Variants in EDIL3 observed in about 807,000 individuals in gnomAD.
The protein encoded by EDIL3 is EGF like and discoidin domains 3.
A neutral mutation model predicts 67.4 loss-of-function variants in EDIL3; 37 were observed. The ratio of observed to expected loss-of-function variants is 0.55; its 90% CI spans 0.42 to 0.72. The LOEUF is 0.72. Ranked by LOEUF, EDIL3 falls within the 30% of genes least tolerant of loss-of-function variation. EDIL3 has a pLI of 0.00. For missense variants in EDIL3, 527 were observed against 586.3 expected, an observed-to-expected ratio of 0.90 and a Z score of 1.04; for synonymous variants, 195 against 196.3, an observed-to-expected ratio of 0.99 and a Z score of 0.05.
At chr5:84,279,775 A>G (rs1275377745) in intron 1 of EDIL3, among the ~76,000 whole-genome samples, 1 of 152,074 alleles carries the variant, frequency 6.6e-6, no homozygotes, top group Admixed American at 6.6e-5. Flanking sequence ...CTCTGCTGAC[A>G]CTTTCCCTTT....
At chr5:84,121,543 A>T (rs1747775341) in intron 5 of EDIL3, among the ~76,000 whole-genome samples, 1 of 33,746 alleles carries the variant, frequency 3.0e-5, no homozygotes, top group Admixed American at 2.6e-4. Flanking sequence ...AGATCGATCT[A>T]TCTATCTATC....
chr5:83,984,588 T>C (rs954456325), intron 9 of EDIL3, among the ~76,000 whole-genome samples: 7 of 152,096 alleles, frequency 4.6e-5, no homozygotes, highest in Non-Finnish European at 7.4e-5. Context: ...AGAGTTTATA[T>C]GGCAGGGCTT....
At chr5:84,141,928 T>TATATATATATAC (rs1554069990) in intron 4 of EDIL3, among the ~76,000 whole-genome samples, 12 of 121,300 alleles carry the variant, frequency 9.9e-5, no homozygotes, top group African/African-American at 2.4e-4. Flanking sequence ...TATATACACA[T>TATATATATATAC]ATATATATAT....
chr5:84,022,601 T>A (rs1745737879), intron 9 of EDIL3, among the ~76,000 whole-genome samples: 1 of 151,968 alleles, frequency 6.6e-6, no homozygotes, highest in Admixed American at 6.6e-5. Flanking sequence ...GCAACATGGA[T>A]AGAACTGGAG....
chr5:84,204,974 G>A (rs558672228), intron 3 of EDIL3, among the ~76,000 whole-genome samples: 47 of 151,974 alleles, frequency 3.1e-4, no homozygotes, highest in African/African-American at 1.0e-3. Flanking sequence ...GTGCAGTGAC[G>A]CAATCACAGC....
intron 6 of EDIL3, among the ~76,000 whole-genome samples, chr5:84,080,423 C>T (rs1746944475): frequency 6.6e-6 from 1 of 151,928 alleles, no homozygotes; most frequent in Non-Finnish European, 1.5e-5. Context: ...CGCTGTGAAA[C>T]ATAATTGCTG....
chr5:84,093,181 TTCTC>T, intron 6 of EDIL3, among the ~76,000 whole-genome samples: 1 of 151,716 alleles, frequency 6.6e-6, no homozygotes, highest in East Asian at 1.9e-4. Context: ...AATACTATCT[TTCTC>T]CTTTTTTTTT....
At chr5:83,974,868 T>C (rs549883290) in intron 9 of EDIL3, among the ~76,000 whole-genome samples, 68 of 152,156 alleles carry the variant, frequency 4.5e-4, no homozygotes, top group East Asian at 1.7e-3. Context: ...GAGCAGCTGT[T>C]GTATTCTTAA....
chr5:84,329,150 G>C (rs1413516971), intron 1 of EDIL3, among the ~76,000 whole-genome samples: 2 of 151,944 alleles, frequency 1.3e-5, no homozygotes, highest in African/African-American at 4.8e-5. Context: ...CTCATTTTGA[G>C]GGAGAAAAGC....
At chr5:84,061,014 T>G (rs1406511957) in intron 8 of EDIL3, among the ~76,000 whole-genome samples, 1 of 152,168 alleles carries the variant, frequency 6.6e-6, no homozygotes, top group Non-Finnish European at 1.5e-5. Context: ...ATGTTAATCT[T>G]CATCACTGAT....
At chr5:84,148,261 T>A (rs1748322625) in intron 4 of EDIL3, among the ~76,000 whole-genome samples, 2 of 152,198 alleles carry the variant, frequency 1.3e-5, no homozygotes, top group African/African-American at 4.8e-5. Context: ...TGTACACACA[T>A]ACTTCTACAT....
intron 1 of EDIL3, among the ~76,000 whole-genome samples, chr5:84,292,861 C>T (rs890135088): frequency 3.3e-5 from 5 of 152,272 alleles, no homozygotes; most frequent in East Asian, 1.9e-4. Flanking sequence ...GATCGAGTGT[C>T]TGGTAGGCAG....
In EDIL3 at chr5:84,060,284, T is replaced by G. The variant is rs761054596; in HGVS notation, c.1137+16A>C. The G allele has an allele frequency of 1.2e-6, 2 of 1,610,482 alleles. No homozygotes were observed. The highest frequency in any genetic ancestry group is 2.2e-5 in the South Asian group (2 of 90,914). ...AGAGGAACAGTGGGTAGTGAAACAG[T>G]TTTGGAAAACTTTACCTGTAACCAT... On this transcript the variant is annotated intron_variant, in intron 9 of 10. Transcript: ENST00000296591.
At position 84,048,244 on chromosome 5, in the gene EDIL3, T is replaced by G. The variant is rs113656094; in HGVS notation, c.1137+12056A>C. 2.1e-3 allele frequency: 945 copies of G among 445,298 alleles called. 6 individuals are homozygous for G. Among genetic ancestry groups the G allele is most frequent in the African/African-American group, 0.014 (714 of 49,548 alleles). The allele number at this position is 445,298 out of a possible 1,614,324, so 27.6% of individuals were successfully genotyped here. On this transcript the variant is annotated intron_variant, in intron 9 of 10. Transcript: ENST00000296591. ...TGTTTCCAGTGGCCTGGTGGTCACTTAATTTTGAAAACCTTTCCTTTAGTT... is the reference window on the plus strand; with the variant it reads ...TGTTTCCAGTGGCCTGGTGGTCACTGAATTTTGAAAACCTTTCCTTTAGTT...
At chr5:84,196,930 AT>A (rs1743721718) in intron 3 of EDIL3, 1 of 152,044 alleles carries the variant, frequency 6.6e-6, no homozygotes, top group African/African-American at 2.4e-5. Context: ...GATACAGAGA[AT>A]ATTAGTATGG....
chr5:84,080,334 A>G (rs1746943190), intron 6 of EDIL3, among the ~76,000 whole-genome samples: 2 of 147,912 alleles, frequency 1.4e-5, no homozygotes, highest in South Asian at 2.2e-4. Flanking sequence ...AAATATAACT[A>G]GTCCTAGTGG....
intron 3 of EDIL3, among the ~76,000 whole-genome samples, chr5:84,196,226 C>T (rs1417382967): frequency 2.0e-5 from 3 of 151,904 alleles, no homozygotes; most frequent in African/African-American, 4.8e-5. Flanking sequence ...CTCCACAGTC[C>T]TTGTTGCTAT....
At chr5:84,185,430 T>C (rs1283497651) in intron 3 of EDIL3, among the ~76,000 whole-genome samples, 2 of 152,168 alleles carry the variant, frequency 1.3e-5, no homozygotes, top group African/African-American at 2.4e-5. Flanking sequence ...TTTTTTCAAG[T>C]ACTCATGACA....
At chr5:83,953,233 G>A (rs1272600539) in intron 10 of EDIL3, among the ~76,000 whole-genome samples, 1 of 151,804 alleles carries the variant, frequency 6.6e-6, no homozygotes, top group Admixed American at 6.6e-5. Context: ...TCATTTATCT[G>A]AATTTAAGTT....
Sources: gnomAD v4.1 joint callset for allele counts (sites outside exome capture counted in the v4.1 genomes callset) on GRCh38, gnomAD v4.1.1 for gene constraint, MANE v1.5 for transcripts, NCBI Gene and HGNC (gene_info 2026-07-23, HGNC 2026-07-21) for gene names.